The following PCSK5 variants were observed in gnomAD, a reference collection of about 807,000 sequenced individuals.
The protein encoded by PCSK5 is proprotein convertase subtilisin/kexin type 5, also known as prohormone convertase 5.
In PCSK5, 129 loss-of-function variants were observed where a neutral mutation model predicts 233.2. That is an observed-to-expected ratio of 0.55 (90% CI 0.48 to 0.64). The LOEUF (loss-of-function observed/expected upper bound fraction) is 0.64. PCSK5 is among the 30% of genes least tolerant of loss of function. The pLI is 0.00. For synonymous variants in PCSK5, 825 were observed against 879.2 expected (o/e 0.94, Z 1.09); for missense variants, 2,076 against 2,430.1 (o/e 0.85, Z 3.06).
At chr9:76,278,160 C>G (rs12345402) in intron 24 of PCSK5, among the ~76,000 whole-genome samples, 5,613 of 152,192 alleles carry the variant, frequency 0.037, 331 homozygotes, top group African/African-American at 0.13. Context: ...ATGCTTGGCC[C>G]CACTGAAAGC....
chr9:76,107,180 G>C, intron 8 of PCSK5, 71 bp from the exon 9 acceptor site: 1 of 846,632 alleles, frequency 1.2e-6, no homozygotes, highest in Non-Finnish European at 1.9e-6. Context: ...ATTTTTATGA[G>C]TATATTTCTT....
intron 6 of PCSK5, among the ~76,000 whole-genome samples, chr9:76,070,081 A>G (rs1052416128): frequency 6.7e-6 from 1 of 149,774 alleles, no homozygotes; most frequent in Non-Finnish European, 1.5e-5. Context: ...GCTCACTGCA[A>G]GCTCCATCTC....
intron 2 of PCSK5, among the ~76,000 whole-genome samples, chr9:75,937,799 T>C (rs1824124876): frequency 6.6e-6 from 1 of 152,238 alleles, no homozygotes; most frequent in African/African-American, 2.4e-5. Flanking sequence ...TGCACTTTTA[T>C]GTTACAGAGA....
At chr9:75,940,034 A>G (rs1824228230) in intron 2 of PCSK5, among the ~76,000 whole-genome samples, 1 of 152,236 alleles carries the variant, frequency 6.6e-6, no homozygotes. Flanking sequence ...CCTTAGAATT[A>G]GAGTTGATTT....
chr9:75,994,400 C>CTTTTTTTTTT (rs550518074), intron 3 of PCSK5, among the ~76,000 whole-genome samples: 11 of 82,052 alleles, frequency 1.3e-4, no homozygotes, highest in African/African-American at 1.8e-4. Flanking sequence ...TTCTTTCTTT[C>CTTTTTTTTTT]TTTTTTTTTT....
chr9:76,296,670 A>G lies in PCSK5; in HGVS notation c.3328A>G (p.Ser1110Gly). ...CEEGFFLLGG[S>G]CVRKCGPGFY... ...CTCTCTGTGTTCTCACATAGGTGGC[A>G]GTTGTGTGAGGAAATGTGGTCCTGG... Residue 1110 changes from serine to glycine, a missense_variant, in exon 27 of 38, where the codon AGT becomes GGT. Coordinates refer to ENST00000674117, the MANE Select transcript of PCSK5 (RefSeq NM_001372043.1). 4 of 1,606,710 alleles carry G rather than the reference A, an allele frequency of 2.5e-6. No homozygotes were observed. In the East Asian group the frequency reaches 8.9e-5, roughly 36 times the overall value.
At chr9:76,029,880 C>T (rs1271479749) in intron 5 of PCSK5, among the ~76,000 whole-genome samples, 1 of 152,168 alleles carries the variant, frequency 6.6e-6, no homozygotes, top group African/African-American at 2.4e-5. Flanking sequence ...CATGCCATTC[C>T]AGTCAAAGCC....
At chr9:75,985,133 C>G (rs1354249244) in intron 2 of PCSK5, among the ~76,000 whole-genome samples, 1 of 152,144 alleles carries the variant, frequency 6.6e-6, no homozygotes, top group African/African-American at 2.4e-5. Flanking sequence ...AGCATTTAGG[C>G]ACAAATTGAA....
At chr9:76,130,904 G>A (rs1822739219) in intron 9 of PCSK5, among the ~76,000 whole-genome samples, 1 of 152,252 alleles carries the variant, frequency 6.6e-6, no homozygotes, top group Non-Finnish European at 1.5e-5. Flanking sequence ...TTTTCTCCAG[G>A]TGGGTTAGAC....
intron 1 of PCSK5, among the ~76,000 whole-genome samples, chr9:75,925,349 G>T (rs1823438861): frequency 6.6e-6 from 1 of 152,182 alleles, no homozygotes; most frequent in Non-Finnish European, 1.5e-5. Flanking sequence ...TTAGAGACAT[G>T]CCCACTGTTA....
At chr9:76,020,745 T>G (rs1828149822) in intron 3 of PCSK5, among the ~76,000 whole-genome samples, 1 of 152,198 alleles carries the variant, frequency 6.6e-6, no homozygotes. Context: ...GCTGGTTTTC[T>G]TCAATTTTCG....
intron 24 of PCSK5, among the ~76,000 whole-genome samples, chr9:76,251,091 G>A (rs1826784506): frequency 6.6e-6 from 1 of 152,000 alleles, no homozygotes; most frequent in African/African-American, 2.4e-5. Flanking sequence ...AACATAGCCA[G>A]ATACCATTTG....
chr9:76,120,369 T>C (rs576592719), intron 9 of PCSK5, among the ~76,000 whole-genome samples: 2 of 152,134 alleles, frequency 1.3e-5, no homozygotes, highest in Non-Finnish European at 1.5e-5. Flanking sequence ...ACCAGTCTTT[T>C]GTGTTCCAAA....
chr9:75,981,499 A>G (rs1291962555), intron 2 of PCSK5, among the ~76,000 whole-genome samples: 1 of 152,170 alleles, frequency 6.6e-6, no homozygotes, highest in Non-Finnish European at 1.5e-5. Context: ...GGCACTTTTT[A>G]TGTATTATTT....
intron 2 of PCSK5, among the ~76,000 whole-genome samples, chr9:75,960,656 A>G (rs1825310987): frequency 6.6e-6 from 1 of 152,232 alleles, no homozygotes; most frequent in Non-Finnish European, 1.5e-5. Flanking sequence ...ATTATTCCCT[A>G]AATTTATATT....
At chr9:75,960,846 G>A (rs1257949236) in intron 2 of PCSK5, among the ~76,000 whole-genome samples, 1 of 152,108 alleles carries the variant, frequency 6.6e-6, no homozygotes, top group Non-Finnish European at 1.5e-5. Context: ...ATGACACCAG[G>A]GCAACAGGCT....
intron 5 of PCSK5, among the ~76,000 whole-genome samples, chr9:76,047,013 C>T (rs568798536): frequency 3.3e-5 from 5 of 152,152 alleles, no homozygotes; most frequent in Non-Finnish European, 7.4e-5. Context: ...CCCTGTGTCT[C>T]TAAGTGTGAT....
At chr9:75,958,647 G>C (rs138770591) in intron 2 of PCSK5, among the ~76,000 whole-genome samples, 133 of 152,270 alleles carry the variant, frequency 8.7e-4, no homozygotes, top group Non-Finnish European at 1.7e-3. Context: ...CCTTCCCATG[G>C]AAGATTCTGG....
chr9:76,127,852 C>G (rs1822575077), intron 9 of PCSK5, among the ~76,000 whole-genome samples: 1 of 146,026 alleles, frequency 6.8e-6, no homozygotes, highest in Non-Finnish European at 1.5e-5. Context: ...GTTATTTTCT[C>G]CACATTGCGG....
Sources: gnomAD v4.1 joint callset for allele counts (sites outside exome capture counted in the v4.1 genomes callset) on GRCh38, gnomAD v4.1.1 for gene constraint, MANE v1.5 for transcripts, NCBI Gene and HGNC (gene_info 2026-07-23, HGNC 2026-07-21) for gene names.